The following PSD3 variants were observed in gnomAD, a reference collection of about 807,000 sequenced individuals.
PSD3 encodes the protein PH and SEC7 domain-containing protein 3.
A neutral mutation model predicts 105.5 loss-of-function variants in PSD3; 49 were observed. That is an observed-to-expected ratio of 0.46 (90% CI 0.37 to 0.59). The LOEUF (loss-of-function observed/expected upper bound fraction) is 0.59, where lower values mean the gene tolerates loss of function less well. Among genes scored for constraint, PSD3 ranks in the 20% least tolerant of loss-of-function variants. PSD3 has a pLI of 0.00. For missense variants in PSD3, 1,561 were observed against 1,263.8 expected (o/e 1.24, Z -3.57); for synonymous variants, 557 against 457.8 (o/e 1.22, Z -2.77).
chr8:18,605,894 TAA>T (rs1201976417), intron 11 of PSD3, among the ~76,000 whole-genome samples: 2 of 152,208 alleles, frequency 1.3e-5, no homozygotes. Flanking sequence ...ACCATAATTC[TAA>T]GTTTCCTGAG....
chr8:18,942,700 G>A (rs907709273), intron 1 of PSD3, among the ~76,000 whole-genome samples: 1 of 152,178 alleles, frequency 6.6e-6, no homozygotes, highest in Non-Finnish European at 1.5e-5. Context: ...CCATCTGCAA[G>A]ACAAAGAGAG....
rs756097281 is a variant in PSD3 at position 18,556,213 on chromosome 8, A to G, written c.2924T>C (p.Phe975Ser). Residue 975 changes from phenylalanine (F) to serine (S), a missense_variant, in exon 15 of 16, where the codon TTT (phenylalanine) becomes TCT (serine). Coordinates refer to ENST00000327040, the MANE Select transcript of PSD3 (RefSeq NM_015310.4). ...TAACATTTGGGTGCAACACACCTCA[A>G]ACTCCAGATAGTGGTCTTTCAGTTT... ...EYKLKDHYLE[F>S]EKTRYEMYVS... 20 of 1,613,348 alleles carry G rather than the reference A, an allele frequency of 1.2e-5. No individual in the cohort carries two copies. Among genetic ancestry groups the G allele is most frequent in the Non-Finnish European group, 1.7e-5 (20 of 1,179,768 alleles).
intron 4 of PSD3, among the ~76,000 whole-genome samples, chr8:18,856,595 T>C (rs1816028348): frequency 6.6e-6 from 1 of 152,236 alleles, no homozygotes; most frequent in Non-Finnish European, 1.5e-5. Context: ...ATTTTCTCTA[T>C]ACTAAAGACT....
rs144754256 is a variant in PSD3 at position 18,655,807 on chromosome 8, C to A, written c.2173-122G>T. On this transcript the variant is annotated intron_variant, in intron 9 of 15. Transcript: ENST00000327040. ...GCACGAAGCCCCCCTTGTCAGTCAC[C>A]TTGCTTTTAGAAAGGTGAAGAATAC... 376 of 888,500 alleles carry A rather than the reference C, an allele frequency of 4.2e-4. 1 individual carries two copies. Among genetic ancestry groups the A allele is most frequent in the African/African-American group, 4.2e-3 (250 of 59,872 alleles). 55.0% of individuals were successfully genotyped at this position (888,500 alleles called of 1,614,324 possible).
intron 9 of PSD3, among the ~76,000 whole-genome samples, chr8:18,659,468 C>G (rs529699898): frequency 6.6e-6 from 1 of 152,204 alleles, no homozygotes; most frequent in Admixed American, 6.5e-5. Context: ...TAATTAACTT[C>G]TCTCCACATT....
intron 1 of PSD3, among the ~76,000 whole-genome samples, chr8:18,982,137 A>G (rs1825278850): frequency 1.3e-5 from 2 of 152,240 alleles, no homozygotes; most frequent in South Asian, 4.1e-4. Flanking sequence ...TGTTCACAGC[A>G]TCTTCACCAG....
chr8:19,082,201 T>G (rs1335881770), intron 1 of PSD3, among the ~76,000 whole-genome samples: 1 of 152,132 alleles, frequency 6.6e-6, no homozygotes, highest in Non-Finnish European at 1.5e-5. Flanking sequence ...CCCTGGTTAG[T>G]GATAGCCGTA....
chr8:18,967,507 GACA>G (rs1824349463), intron 1 of PSD3, among the ~76,000 whole-genome samples: 1 of 152,090 alleles, frequency 6.6e-6, no homozygotes, highest in South Asian at 2.1e-4. Context: ...TATTAAACCT[GACA>G]ACATCAAAGC....
chr8:18,549,655 T>C (rs1800651970), intron 15 of PSD3, among the ~76,000 whole-genome samples: 1 of 152,262 alleles, frequency 6.6e-6, no homozygotes, highest in African/African-American at 2.4e-5. Context: ...TTCTGCCATC[T>C]TGCTGATGTC....
At chr8:18,843,259 G>C (rs1814802243) in intron 4 of PSD3, among the ~76,000 whole-genome samples, 1 of 151,642 alleles carries the variant, frequency 6.6e-6, no homozygotes, top group African/African-American at 2.4e-5. Flanking sequence ...TATTCGGGAG[G>C]CTGAGGCAGG....
At chr8:19,013,363 T>A (rs1252481840) in intron 1 of PSD3, among the ~76,000 whole-genome samples, 200 bp downstream of exon 1, 1 of 152,026 alleles carries the variant, frequency 6.6e-6, no homozygotes. Flanking sequence ...CACCACAAAG[T>A]TGACCCTGCT....
chr8:18,905,248 G>C (rs1249677005), intron 2 of PSD3, among the ~76,000 whole-genome samples: 4 of 152,002 alleles, frequency 2.6e-5, no homozygotes, highest in African/African-American at 9.7e-5. Context: ...CTCTAATTTT[G>C]TCCTACTCAT....
At chr8:18,716,904 T>C (rs534984872) in intron 9 of PSD3, among the ~76,000 whole-genome samples, 12 of 152,338 alleles carry the variant, frequency 7.9e-5, no homozygotes, top group African/African-American at 2.9e-4. Flanking sequence ...TGATCATCTC[T>C]ACCTTCTCTA....
intron 15 of PSD3, among the ~76,000 whole-genome samples, chr8:18,536,912 A>C (rs1799877294): frequency 6.6e-6 from 1 of 152,208 alleles, no homozygotes; most frequent in Non-Finnish European, 1.5e-5. Flanking sequence ...GAAAGCTTAA[A>C]GTGTTTTATT....
At chr8:18,753,701 G>A (rs957057889) in intron 9 of PSD3, among the ~76,000 whole-genome samples, 1 of 152,098 alleles carries the variant, frequency 6.6e-6, no homozygotes, top group Non-Finnish European at 1.5e-5. Flanking sequence ...TCTGATTGAA[G>A]GTAATTTCTT....
intron 1 of PSD3, among the ~76,000 whole-genome samples, chr8:19,081,310 C>CA (rs1829638952): frequency 6.6e-6 from 1 of 152,208 alleles, no homozygotes; most frequent in South Asian, 2.1e-4. Context: ...GTCTTTCTCC[C>CA]ACCCTCTCCA....
chr8:18,931,461 G>C (rs1821743423), intron 2 of PSD3, among the ~76,000 whole-genome samples: 2 of 152,124 alleles, frequency 1.3e-5, no homozygotes, highest in African/African-American at 2.4e-5. Context: ...TCATCATAAA[G>C]AGAAAATTTG....
chr8:18,726,644 A>G (rs1212890069), intron 9 of PSD3, among the ~76,000 whole-genome samples: 2 of 152,170 alleles, frequency 1.3e-5, no homozygotes, highest in Admixed American at 6.5e-5. Context: ...TAGAACATGA[A>G]CTCGATGTCT....
intron 4 of PSD3, among the ~76,000 whole-genome samples, chr8:18,842,750 T>C (rs7833546): frequency 0.15 from 23,360 of 151,730 alleles, 2,028 homozygotes; most frequent in Admixed American, 0.28. Context: ...AAAAATTGTA[T>C]GGCTTTACTA....
Sources: allele counts gnomAD v4.1 joint callset (sites outside exome capture counted in the v4.1 genomes callset), GRCh38; gene constraint gnomAD v4.1.1; transcripts MANE v1.5; gene names NCBI Gene and HGNC (gene_info 2026-07-23, HGNC 2026-07-21).